Variants in GABRE observed in about 807,000 individuals in gnomAD.
The protein encoded by GABRE is gamma-aminobutyric acid type A receptor subunit epsilon, also known as gamma-aminobutyric acid receptor subunit epsilon.
A neutral mutation model predicts 31.0 loss-of-function variants in GABRE; 20 were observed. That is an observed-to-expected ratio of 0.64 (90% CI 0.45 to 0.94). GABRE has a LOEUF of 0.94. GABRE is among the 40% of genes least tolerant of loss of function. The pLI, the probability that GABRE is intolerant of heterozygous loss-of-function variation, is 0.00. For synonymous variants in GABRE, 155 were observed against 150.6 expected (o/e 1.03, Z -0.21); for missense variants, 420 against 410.7 (o/e 1.02, Z -0.20).
At chrX:151,970,076 C>T in intron 2 of GABRE, 109 bp downstream of exon 2, 1 of 1,148,430 alleles carries the variant, frequency 8.7e-7, no homozygotes, top group Middle Eastern at 3.5e-4. Flanking sequence ...AGCAGATGTT[C>T]CTGTCCATGA....
At chrX:151,959,256 G>A (rs766087649) in intron 6 of GABRE, 11 of 243,857 alleles carry the variant, frequency 4.5e-5, no homozygotes, top group Non-Finnish European at 7.0e-5. Flanking sequence ...AAAACCAGTG[G>A]CCACTATGTC....
chrX:151,969,622 G>A (rs776133043), intron 3 of GABRE, 47 bp downstream of exon 3: 3 of 1,162,926 alleles, frequency 2.6e-6, no homozygotes, highest in South Asian at 4.2e-5. Context: ...GGTCCCATAG[G>A]TCAGCCCCTG....
chrX:151,962,384 G>C (rs979808725), intron 4 of GABRE, 39 bp downstream of exon 4: 1 of 1,102,647 alleles, frequency 9.1e-7, no homozygotes, highest in Non-Finnish European at 1.3e-6. Context: ...GAAGGGGAGA[G>C]AGAATTCCAG....
Position 151,956,169 on chromosome X carries a change from A to G in GABRE, c.785-309T>C, listed in dbSNP as rs1249415477. 2.5e-5 allele frequency: 7 copies of G among 284,252 alleles called. No individual in the cohort carries two copies. The Admixed American group carries it at 4.0e-4, about 16-fold the overall frequency. The allele number at this position is 284,252 out of a possible 1,213,427, so 23.4% of individuals were successfully genotyped here. A position where few individuals can be genotyped will look rare whatever the true frequency, so the allele number is the denominator to read the frequency against. On this transcript the variant is annotated intron_variant, in intron 6 of 8. Transcript: ENST00000370328. ...GAGTCAGGTGAAAGTGAAAAAATCA[A>G]TTAGCCTTCTAGATATCATGCCCAC... is the stretch of plus-strand genomic sequence containing the variant.
intron 8 of GABRE, 112 bp from the exon 9 acceptor site, chrX:151,955,196 T>C (rs1216909120): frequency 8.5e-7 from 1 of 1,173,491 alleles, no homozygotes; most frequent in Non-Finnish European, 1.1e-6. Flanking sequence ...TCTTGGCTTC[T>C]CTCCTCCAAC....
intron 4 of GABRE, among the ~76,000 whole-genome samples, chrX:151,961,619 C>T (rs977039669): frequency 9.0e-6 from 1 of 110,803 alleles, no homozygotes; most frequent in Non-Finnish European, 1.9e-5. Context: ...GCCAGCACAC[C>T]CTGCTAATTT....
chrX:151,962,424 T>G lies in GABRE; in HGVS notation c.562A>C (p.Arg188=), dbSNP rs770984912. Residue 188 remains arginine (R), a splice_region_variant and synonymous_variant, in exon 4 of 9, where the codon AGG becomes CGG. Coordinates refer to ENST00000370328, the MANE Select transcript of GABRE (RefSeq NM_004961.4). Reference sequence around the variant, plus strand: ...TGAGACTCCAGAGGCTTGACATACCTAATTGTGTACAACACCTTGCCATCC... The same window carrying G: ...TGAGACTCCAGAGGCTTGACATACCGAATTGTGTACAACACCTTGCCATCC... The part of the protein sequence containing the change: ...YKDGKVLYTI[R]MTIDAGCSLH... The G allele has an allele frequency of 4.2e-6, 5 of 1,204,495 alleles. No individual in the cohort carries two copies. In the South Asian group the frequency reaches 7.1e-5, roughly 17 times the overall value.
chrX:151,959,595 T>G (rs1220301884), intron 6 of GABRE: 1 of 478,331 alleles, frequency 2.1e-6, no homozygotes, highest in Middle Eastern at 3.7e-4. Flanking sequence ...GCAGCAGAAC[T>G]TTATCTACTT....
At chrX:151,963,563 C>T (rs1042287015) in intron 3 of GABRE, among the ~76,000 whole-genome samples, 5 of 112,346 alleles carry the variant, frequency 4.5e-5, no homozygotes, top group African/African-American at 1.6e-4. Context: ...GACTATGGTC[C>T]ATGCAGATCT....
At chrX:151,958,214 C>A in intron 6 of GABRE, 1 of 154,525 alleles carries the variant, frequency 6.5e-6, no homozygotes, top group Non-Finnish European at 1.2e-5. Context: ...GGCTCCACAG[C>A]CATCAGTGAA....
At chrX:151,973,104 A>G (rs976880504) in intron 1 of GABRE, among the ~76,000 whole-genome samples, 2 of 110,637 alleles carry the variant, frequency 1.8e-5, no homozygotes, top group Non-Finnish European at 3.8e-5. Context: ...TAGAGGAAGG[A>G]CTGTGCCCCA....
intron 4 of GABRE, among the ~76,000 whole-genome samples, chrX:151,962,101 G>A (rs930604850): frequency 4.5e-5 from 5 of 111,328 alleles, no homozygotes; most frequent in African/African-American, 1.3e-4. Flanking sequence ...TCTTTGTATC[G>A]AGTGCCCACG....
chrX:151,955,940 T>A (rs766590106), intron 6 of GABRE, 80 bp from the exon 7 acceptor site: 43 of 988,727 alleles, frequency 4.3e-5, no homozygotes, highest in Non-Finnish European at 5.8e-5. Context: ...AGTAAGGGTC[T>A]CATTTTTCAG....
At chrX:151,958,637 A>G (rs1035248243) in intron 6 of GABRE, 1 of 376,247 alleles carries the variant, frequency 2.7e-6, no homozygotes, top group Non-Finnish European at 5.3e-6. Flanking sequence ...ACTAAACGGA[A>G]CCACTAGTGA....
At chrX:151,957,110 G>C (rs1194435320) in intron 6 of GABRE, 1 of 152,326 alleles carries the variant, frequency 6.6e-6, no homozygotes, top group African/African-American at 3.1e-5. Flanking sequence ...GCTCAGAACA[G>C]CCTGGAACCC....
intron 1 of GABRE, 46 bp downstream of exon 1, chrX:151,974,524 G>C (rs1365317207): frequency 3.1e-6 from 3 of 978,906 alleles, no homozygotes; most frequent in Non-Finnish European, 4.2e-6. Flanking sequence ...CCCGGGGAGA[G>C]GGAGCTGGGC....
intron 3 of GABRE, among the ~76,000 whole-genome samples, chrX:151,967,747 G>C (rs755115006): frequency 2.7e-5 from 3 of 112,368 alleles, no homozygotes; most frequent in African/African-American, 9.7e-5. Context: ...TTAAAATGTA[G>C]ACAGAAACTC....
At position 151,970,171 on chromosome X, in the gene GABRE, G is replaced by A. The variant is rs745532223; in HGVS notation, c.274+14C>T. On this transcript the variant is annotated intron_variant, in intron 2 of 8. Transcript: ENST00000370328. ...GACCCTCTAGGAGGGGAAGAACGTC[G>A]TTCTGCTCCTCACCTCCAATGCCAG... The A allele has an allele frequency of 3.0e-5, 36 of 1,209,438 alleles. No homozygotes were observed. The highest frequency in any genetic ancestry group is 5.3e-4 in the Middle Eastern group (2 of 3,777).
chrX:151,969,643 T>C, intron 3 of GABRE, 26 bp downstream of exon 3: 4 of 1,190,871 alleles, frequency 3.4e-6, no homozygotes, highest in Non-Finnish European at 3.4e-6. Context: ...GGCTAGGAAA[T>C]AGTACTAAAA....
Sources: gnomAD v4.1 joint callset for allele counts (sites outside exome capture counted in the v4.1 genomes callset) on GRCh38, gnomAD v4.1.1 for gene constraint, MANE v1.5 for transcripts, NCBI Gene and HGNC (gene_info 2026-07-23, HGNC 2026-07-21) for gene names.